WWOX: variants seen among roughly 807,000 people sequenced by gnomAD.
WWOX encodes the protein WW domain-containing oxidoreductase.
In WWOX, 69 loss-of-function variants were observed where a neutral mutation model predicts 46.2. The ratio of observed to expected loss-of-function variants is 1.49; its 90% CI spans 1.23 to 1.82. WWOX has a LOEUF of 1.82. Among genes scored for constraint, WWOX ranks in the 40% most tolerant of loss-of-function variants. WWOX has a pLI of 0.00. For synonymous variants in WWOX, 359 were observed against 202.6 expected (o/e 1.77, Z -6.56); for missense variants, 919 against 542.6 (o/e 1.69, Z -6.89).
chr16:78,582,837 T>A (rs192806037), intron 8 of WWOX, among the ~76,000 whole-genome samples: 19 of 152,300 alleles, frequency 1.2e-4, no homozygotes, highest in African/African-American at 4.3e-4. Flanking sequence ...GTATGTCTTA[T>A]GTCAGTTACA....
intron 8 of WWOX, among the ~76,000 whole-genome samples, chr16:79,013,251 T>C (rs1048824699): frequency 1.3e-5 from 2 of 151,930 alleles, no homozygotes; most frequent in East Asian, 3.9e-4. Context: ...GGGTCGAGAG[T>C]GAATGCCTTG....
At chr16:79,133,897 T>G (rs530552764) in intron 8 of WWOX, among the ~76,000 whole-genome samples, 15 of 152,306 alleles carry the variant, frequency 9.8e-5, no homozygotes, top group South Asian at 4.1e-4. Context: ...TAGATTTTTT[T>G]GGGGGCATTT....
chr16:78,400,430 G>A (rs754180286), intron 6 of WWOX, among the ~76,000 whole-genome samples: 9 of 152,132 alleles, frequency 5.9e-5, no homozygotes, highest in Non-Finnish European at 7.4e-5. Context: ...GCTGGGAATC[G>A]AACACTGCAG....
At chr16:78,372,360 C>G (rs1396811344) in intron 5 of WWOX, among the ~76,000 whole-genome samples, 3 of 152,164 alleles carry the variant, frequency 2.0e-5, no homozygotes, top group African/African-American at 7.2e-5. Context: ...TTCATGCCGT[C>G]TACCCCCCTG....
intron 5 of WWOX, among the ~76,000 whole-genome samples, chr16:78,336,655 G>A (rs1400079492): frequency 6.6e-6 from 1 of 152,070 alleles, no homozygotes. Flanking sequence ...CTTAGTTCCA[G>A]CTGCCTGTTG....
chr16:78,333,043 C>CATTTTTTTTTTTTTTTTTT (rs2080797554), intron 5 of WWOX, among the ~76,000 whole-genome samples: 1 of 57,094 alleles, frequency 1.8e-5, no homozygotes, highest in Non-Finnish European at 3.8e-5. Flanking sequence ...GAGCATTATA[C>CATTTTTTTTTTTTTTTTTT]TTTTTTTTTT....
intron 8 of WWOX, among the ~76,000 whole-genome samples, chr16:78,722,863 A>G (rs2048727892): frequency 6.6e-6 from 1 of 152,174 alleles, no homozygotes; most frequent in South Asian, 2.1e-4. Flanking sequence ...CAACATAATG[A>G]AAACCTAATG....
At chr16:78,860,183 G>A (rs919773626) in intron 8 of WWOX, among the ~76,000 whole-genome samples, 1 of 152,100 alleles carries the variant, frequency 6.6e-6, no homozygotes, top group African/African-American at 2.4e-5. Flanking sequence ...TATTAGTTGA[G>A]AAATTTTACC....
At chr16:78,865,090 C>G (rs1567612550) in intron 8 of WWOX, among the ~76,000 whole-genome samples, 1 of 151,938 alleles carries the variant, frequency 6.6e-6, no homozygotes, top group Non-Finnish European at 1.5e-5. Context: ...AAAGTTAGTG[C>G]TTTAATATGT....
At chr16:78,906,248 C>G (rs1203395440) in intron 8 of WWOX, among the ~76,000 whole-genome samples, 3 of 152,142 alleles carry the variant, frequency 2.0e-5, no homozygotes, top group Non-Finnish European at 4.4e-5. Context: ...GCTGTTTTGT[C>G]TCCACAAGGA....
intron 8 of WWOX, among the ~76,000 whole-genome samples, chr16:78,904,081 T>A (rs1248491430): frequency 6.6e-6 from 1 of 152,152 alleles, no homozygotes; most frequent in Non-Finnish European, 1.5e-5. Flanking sequence ...ACAAAAGGGA[T>A]CAGGGTCCAC....
intron 8 of WWOX, among the ~76,000 whole-genome samples, chr16:78,517,855 ATT>A (rs11342538): frequency 0.078 from 6,707 of 86,392 alleles, 322 homozygotes; most frequent in African/African-American, 0.18. Flanking sequence ...TACACAACCT[ATT>A]TTTTTTTTTT....
At chr16:78,827,906 G>A (rs1215866035) in intron 8 of WWOX, among the ~76,000 whole-genome samples, 1 of 152,188 alleles carries the variant, frequency 6.6e-6, no homozygotes, top group African/African-American at 2.4e-5. Context: ...ATGGGAACCA[G>A]GCACTGCACC....
intron 7 of WWOX, among the ~76,000 whole-genome samples, chr16:78,425,512 G>C (rs2083055312): frequency 6.6e-6 from 1 of 152,196 alleles, no homozygotes; most frequent in Non-Finnish European, 1.5e-5. Context: ...ATTGTGGAAA[G>C]GGAAGAACTG....
intron 8 of WWOX, among the ~76,000 whole-genome samples, chr16:78,650,786 A>C (rs1213088362): frequency 6.6e-6 from 1 of 152,190 alleles, no homozygotes; most frequent in Admixed American, 6.5e-5. Flanking sequence ...CTGTCCCACA[A>C]ATCTCAGCTG....
At chr16:78,196,284 CTAAG>C (rs2036049344) in intron 5 of WWOX, among the ~76,000 whole-genome samples, 1 of 152,202 alleles carries the variant, frequency 6.6e-6, no homozygotes, top group South Asian at 2.1e-4. Context: ...AAATACACTA[CTAAG>C]TGTTTATAGT....
chr16:78,645,512 C>T (rs1269935934), intron 8 of WWOX, among the ~76,000 whole-genome samples: 1 of 152,002 alleles, frequency 6.6e-6, no homozygotes, highest in South Asian at 2.1e-4. Flanking sequence ...AAGCATGGTG[C>T]CAATGTATTT....
chr16:78,906,217 C>G (rs1387982455), intron 8 of WWOX, among the ~76,000 whole-genome samples: 1 of 152,082 alleles, frequency 6.6e-6, no homozygotes, highest in Admixed American at 6.6e-5. Flanking sequence ...GAGTTATCTC[C>G]CTGGGCCTTG....
chr16:79,097,827 C>T (rs117947670), intron 8 of WWOX, among the ~76,000 whole-genome samples: 3,133 of 152,226 alleles, frequency 0.021, 46 homozygotes, highest in Middle Eastern at 0.027. Context: ...GCCCGTCGAT[C>T]GCAGTTCAGA....
Sources: allele counts gnomAD v4.1 joint callset (sites outside exome capture counted in the v4.1 genomes callset), GRCh38; gene constraint gnomAD v4.1.1; transcripts MANE v1.5; gene names NCBI Gene and HGNC (gene_info 2026-07-23, HGNC 2026-07-21).